The following MCC variants were observed in gnomAD, a reference collection of about 807,000 sequenced individuals.
The protein encoded by MCC is colorectal mutant cancer protein.
In MCC, 90 loss-of-function variants were observed where a neutral mutation model predicts 116.2. The observed-to-expected ratio is 0.77, with a 90% CI of 0.65 to 0.92. MCC has a LOEUF of 0.92. Among genes scored for constraint, MCC ranks in the 40% least tolerant of loss-of-function variants. The pLI is 0.00. For synonymous variants in MCC, 578 were observed against 510.5 expected, an observed-to-expected ratio of 1.13 and a Z score of -1.78; for missense variants, 1,516 against 1,312.2, an observed-to-expected ratio of 1.16 and a Z score of -2.40.
At chr5:113,033,261 G>A (rs1201122171) in intron 17 of MCC, among the ~76,000 whole-genome samples, 1 of 152,192 alleles carries the variant, frequency 6.6e-6, no homozygotes, top group Non-Finnish European at 1.5e-5. Context: ...TTGTCATCAG[G>A]CAAGCTTGAG....
intron 8 of MCC, among the ~76,000 whole-genome samples, chr5:113,095,185 A>T (rs1241057683): frequency 6.6e-6 from 1 of 152,184 alleles, no homozygotes; most frequent in Non-Finnish European, 1.5e-5. Flanking sequence ...CATTTTACCC[A>T]CTGTTGGTCT....
chr5:113,220,523 T>C (rs570755423), intron 3 of MCC, among the ~76,000 whole-genome samples: 1 of 152,340 alleles, frequency 6.6e-6, no homozygotes, highest in African/African-American at 2.4e-5. Context: ...TATTTTTTAG[T>C]GCACGATCTT....
chr5:113,280,328 TTCTA>T (rs146583585), intron 3 of MCC, among the ~76,000 whole-genome samples: 3 of 152,344 alleles, frequency 2.0e-5, no homozygotes, highest in Non-Finnish European at 2.9e-5. Context: ...TGTGTAACTT[TTCTA>T]TCTATCTCCT....
intron 14 of MCC, among the ~76,000 whole-genome samples, chr5:113,061,799 G>C (rs901709179): frequency 6.6e-6 from 1 of 152,188 alleles, no homozygotes; most frequent in Non-Finnish European, 1.5e-5. Context: ...GTTACAGCGG[G>C]GGGAAAGGAG....
At chr5:113,191,973 C>A (rs1175416157) in intron 3 of MCC, among the ~76,000 whole-genome samples, 1 of 152,202 alleles carries the variant, frequency 6.6e-6, no homozygotes, top group Admixed American at 6.5e-5. Flanking sequence ...CCATGCACAC[C>A]TACCTGCTGG....
intron 12 of MCC, among the ~76,000 whole-genome samples, chr5:113,069,751 T>C (rs1367956630): frequency 6.6e-6 from 1 of 151,146 alleles, no homozygotes; most frequent in Non-Finnish European, 1.5e-5. Flanking sequence ...CTGGCTAACT[T>C]TTTTTTTTGT....
intron 17 of MCC, among the ~76,000 whole-genome samples, 198 bp downstream of exon 17, chr5:113,043,332 T>C (rs1197096086): frequency 4.6e-5 from 7 of 152,192 alleles, no homozygotes; most frequent in Non-Finnish European, 8.8e-5. Flanking sequence ...ACTGCCTAAG[T>C]GCTGTCTCTT....
chr5:113,232,437 T>G (rs1389156765), intron 3 of MCC, among the ~76,000 whole-genome samples: 1 of 152,152 alleles, frequency 6.6e-6, no homozygotes, highest in South Asian at 2.1e-4. Flanking sequence ...TGAGTCAACA[T>G]GTCCACACCC....
chr5:113,385,240 T>C (rs758100194), intron 1 of MCC, 28 bp from the exon 2 acceptor site: 1 of 1,606,590 alleles, frequency 6.2e-7, no homozygotes, highest in East Asian at 2.2e-5. Context: ...CAGAAGAAAA[T>C]GTGTTATGAG....
chr5:113,059,944 C>T (rs575291804), intron 14 of MCC, among the ~76,000 whole-genome samples: 1 of 152,208 alleles, frequency 6.6e-6, no homozygotes, highest in Admixed American at 6.5e-5. Context: ...CATGCCCCAC[C>T]TCTGTCCTCA....
chr5:113,256,511 AG>A (rs1195342971), intron 3 of MCC, among the ~76,000 whole-genome samples: 2 of 152,204 alleles, frequency 1.3e-5, no homozygotes. Flanking sequence ...CTCTAAACAG[AG>A]GGAACAGTGT....
intron 1 of MCC, among the ~76,000 whole-genome samples, chr5:113,480,249 G>A (rs1385455436): frequency 1.3e-5 from 2 of 152,196 alleles, no homozygotes; most frequent in Admixed American, 6.5e-5. Flanking sequence ...GCTTAAGGAC[G>A]ACTGAGCAAA....
At chr5:113,235,918 C>T (rs539087591) in intron 3 of MCC, among the ~76,000 whole-genome samples, 1 of 152,246 alleles carries the variant, frequency 6.6e-6, no homozygotes, top group Non-Finnish European at 1.5e-5. Flanking sequence ...TTTTGGTAGC[C>T]GTTAAAATTC....
intron 5 of MCC, among the ~76,000 whole-genome samples, chr5:113,142,354 C>T (rs1265921408): frequency 6.6e-6 from 1 of 151,830 alleles, no homozygotes. Flanking sequence ...CCCGGAGCAT[C>T]GCCAGGAACA....
At chr5:113,154,428 G>T (rs1163585149) in intron 3 of MCC, among the ~76,000 whole-genome samples, 2 of 152,232 alleles carry the variant, frequency 1.3e-5, no homozygotes, top group African/African-American at 4.8e-5. Flanking sequence ...GCCTAGAATT[G>T]GCTGACAGAC....
intron 1 of MCC, among the ~76,000 whole-genome samples, chr5:113,453,379 A>G (rs1771454610): frequency 6.6e-6 from 1 of 152,046 alleles, no homozygotes; most frequent in African/African-American, 2.4e-5. Flanking sequence ...AGTGAAAATT[A>G]AGTTCAAAAC....
chr5:113,227,956 T>G (rs1442611728), intron 3 of MCC, among the ~76,000 whole-genome samples: 4 of 152,246 alleles, frequency 2.6e-5, no homozygotes, highest in Non-Finnish European at 4.4e-5. Flanking sequence ...AGTTAACGGC[T>G]GGTCTAATTT....
intron 2 of MCC, among the ~76,000 whole-genome samples, chr5:113,344,503 C>T (rs74716442): frequency 0.037 from 5,684 of 151,766 alleles, 359 homozygotes; most frequent in African/African-American, 0.13. Flanking sequence ...CCAGGCATCA[C>T]AGCTTGCAGC....
At chr5:113,479,172 G>A (rs1383440900) in intron 1 of MCC, among the ~76,000 whole-genome samples, 2 of 152,216 alleles carry the variant, frequency 1.3e-5, no homozygotes, top group Non-Finnish European at 2.9e-5. Context: ...GTAAAAGTAT[G>A]CATGAATTTC....
Sources: allele counts gnomAD v4.1 joint callset (sites outside exome capture counted in the v4.1 genomes callset), GRCh38; gene constraint gnomAD v4.1.1; transcripts MANE v1.5; gene names NCBI Gene and HGNC (gene_info 2026-07-23, HGNC 2026-07-21).